The following VAC14 variants were observed in gnomAD, a reference collection of about 807,000 sequenced individuals.
VAC14 encodes protein VAC14 homolog.
Under a neutral mutation model 85.3 loss-of-function variants are expected in VAC14, and 47 were observed. The observed-to-expected ratio is 0.55, with a 90% CI of 0.44 to 0.70. The LOEUF is 0.70. Among genes scored for constraint, VAC14 ranks in the 30% least tolerant of loss-of-function variants. The probability of loss-of-function intolerance (pLI) is 0.00; values close to 1 mark genes in which losing one functional copy is unlikely to be tolerated. For missense variants in VAC14, 861 were observed against 1,004.3 expected, an observed-to-expected ratio of 0.86 and a Z score of 1.93; for synonymous variants, 447 against 430.5, an observed-to-expected ratio of 1.04 and a Z score of -0.47.
chr16:70,727,329 T>C (rs796263756), intron 14 of VAC14, among the ~76,000 whole-genome samples: 6 of 152,244 alleles, frequency 3.9e-5, no homozygotes, highest in East Asian at 3.9e-4. Context: ...CCTCTCTTTA[T>C]TTATTTATTT....
chr16:70,692,689 C>T, intron 18 of VAC14, 132 bp downstream of exon 18: 1 of 1,269,350 alleles, frequency 7.9e-7, no homozygotes, highest in South Asian at 1.4e-5. Flanking sequence ...ATGGTGGTCA[C>T]AGTGACAAAA....
chr16:70,744,935 T>C (rs2030725233), intron 12 of VAC14: 1 of 217,946 alleles, frequency 4.6e-6, no homozygotes, highest in Non-Finnish European at 9.1e-6. Context: ...ATCTGCACAG[T>C]GTGCACTTCA....
chr16:70,714,299 C>T (rs903318861), intron 14 of VAC14: 6 of 152,234 alleles, frequency 3.9e-5, no homozygotes, highest in Non-Finnish European at 7.3e-5. Flanking sequence ...TGGGTCTTCC[C>T]GCGAGGGTCA....
At chr16:70,691,336 C>T in intron 18 of VAC14, 1 of 985,456 alleles carries the variant, frequency 1.0e-6, no homozygotes, top group Non-Finnish European at 1.2e-6. Context: ...AGCAGCCCTT[C>T]CTGCCTCCTC....
intron 18 of VAC14, 172 bp from the exon 19 acceptor site, chr16:70,688,262 C>T (rs1179202489): frequency 8.0e-7 from 1 of 1,249,220 alleles, no homozygotes; most frequent in Admixed American, 4.1e-5. Flanking sequence ...CTGGGAAGCC[C>T]CTGAGCATCC....
intron 1 of VAC14, among the ~76,000 whole-genome samples, chr16:70,795,800 G>A: frequency 6.6e-6 from 1 of 152,200 alleles, no homozygotes; most frequent in East Asian, 1.9e-4. Flanking sequence ...AAGATCAGGT[G>A]CGTTCAGGGA....
intron 14 of VAC14, among the ~76,000 whole-genome samples, chr16:70,725,416 G>A (rs948565652): frequency 1.3e-5 from 2 of 152,220 alleles, no homozygotes; most frequent in African/African-American, 2.4e-5. Flanking sequence ...TCCCAATTAC[G>A]GCATGAAAGA....
intron 1 of VAC14, among the ~76,000 whole-genome samples, chr16:70,792,375 G>A (rs936808162): frequency 2.6e-5 from 4 of 152,160 alleles, no homozygotes; most frequent in African/African-American, 7.2e-5. Context: ...AAACTCTCAC[G>A]ATCACAAATC....
chr16:70,714,669 T>A (rs943397157), intron 14 of VAC14: 1 of 152,054 alleles, frequency 6.6e-6, no homozygotes, highest in African/African-American at 2.4e-5. Context: ...GCCAAACAAG[T>A]CCATGGCAGG....
At position 70,801,113 on chromosome 16, in the gene VAC14, C is replaced by T; in HGVS notation, c.-213G>A. 2.3e-6 allele frequency: 1 copy of T among 438,070 alleles called. No individual in the cohort carries two copies. The highest frequency in any genetic ancestry group is 5.0e-5 in the South Asian group (1 of 19,856). 27.1% of individuals were successfully genotyped at this position (438,070 alleles called of 1,614,324 possible). A position where few individuals can be genotyped will look rare whatever the true frequency, so the allele number is the denominator to read the frequency against. ...ACCCTGGCCGCTTAACAACTCCCGCCCGGCACTAGCGGGACTCACGAGACA... is the reference window on the plus strand; with the variant it reads ...ACCCTGGCCGCTTAACAACTCCCGCTCGGCACTAGCGGGACTCACGAGACA... On this transcript the variant is annotated 5_prime_UTR_variant, in exon 1 of 19. Transcript: ENST00000261776.
intron 14 of VAC14, among the ~76,000 whole-genome samples, chr16:70,721,248 T>C (rs968627687): frequency 2.0e-5 from 3 of 152,084 alleles, no homozygotes; most frequent in Non-Finnish European, 4.4e-5. Flanking sequence ...GACGTATAGA[T>C]TGACTTGGTG....
intron 12 of VAC14, among the ~76,000 whole-genome samples, chr16:70,751,831 G>C (rs1228604936): frequency 6.6e-6 from 1 of 152,228 alleles, no homozygotes; most frequent in African/African-American, 2.4e-5. Flanking sequence ...GTAAACATGA[G>C]CTGCAGAAGG....
intron 16 of VAC14, 73 bp from the exon 17 acceptor site, chr16:70,695,696 C>T (rs1039472793): frequency 6.9e-7 from 1 of 1,444,194 alleles, no homozygotes. Context: ...CACGCCCTCC[C>T]CCCCTGCACC....
In VAC14 at chr16:70,687,868, C is replaced by T. The variant is rs1419439894; in HGVS notation, c.*60G>A. Reference sequence around the variant, plus strand: ...CAGGTCCTTGAGCTCCTCGGGAGGGCGTGACGACCCTTAGTGTTTCATGGG... The same window carrying T: ...CAGGTCCTTGAGCTCCTCGGGAGGGTGTGACGACCCTTAGTGTTTCATGGG... On this transcript the variant is annotated 3_prime_UTR_variant, in exon 19 of 19. Transcript: ENST00000261776. The T allele has an allele frequency of 2.9e-6, 4 of 1,393,026 alleles. No homozygotes were observed. The highest frequency in any genetic ancestry group is 2.8e-5 in the Admixed American group (1 of 35,382). 86.3% of individuals were successfully genotyped at this position (1,393,026 alleles called of 1,614,324 possible).
chr16:70,710,224 C>T (rs2054002355), intron 14 of VAC14, among the ~76,000 whole-genome samples: 1 of 152,226 alleles, frequency 6.6e-6, no homozygotes, highest in African/African-American at 2.4e-5. Flanking sequence ...TGAACATGTT[C>T]CCATGCTCTG....
At chr16:70,793,833 G>C (rs2034434727) in intron 1 of VAC14, among the ~76,000 whole-genome samples, 1 of 152,222 alleles carries the variant, frequency 6.6e-6, no homozygotes, top group Non-Finnish European at 1.5e-5. Context: ...GTCAGAATCA[G>C]AGACAAGCTG....
intron 13 of VAC14, among the ~76,000 whole-genome samples, chr16:70,737,315 G>A (rs1597909386): frequency 6.6e-6 from 1 of 152,292 alleles, no homozygotes; most frequent in African/African-American, 2.4e-5. Flanking sequence ...GACCTCAGCG[G>A]TTTTACTCAG....
intron 10 of VAC14, among the ~76,000 whole-genome samples, chr16:70,766,073 C>A (rs1243826744): frequency 1.3e-5 from 2 of 151,800 alleles, no homozygotes; most frequent in African/African-American, 4.8e-5. Flanking sequence ...CTGCCAGCTC[C>A]CAGCTGTCAG....
chr16:70,748,341 C>T (rs530293758), intron 12 of VAC14, among the ~76,000 whole-genome samples: 54 of 152,254 alleles, frequency 3.5e-4, no homozygotes, highest in African/African-American at 1.2e-3. Flanking sequence ...GTCATGGACT[C>T]CCGGAGGAGT....
Sources: allele counts gnomAD v4.1 joint callset (sites outside exome capture counted in the v4.1 genomes callset), GRCh38; gene constraint gnomAD v4.1.1; transcripts MANE v1.5; gene names NCBI Gene and HGNC (gene_info 2026-07-23, HGNC 2026-07-21).